Variants in ADGB observed in about 807,000 individuals in gnomAD.
ADGB encodes the protein calpain-7-like protein.
A neutral mutation model predicts 210.5 loss-of-function variants in ADGB; 172 were observed. That is an observed-to-expected ratio of 0.82 (90% confidence interval 0.72 to 0.93). The LOEUF (loss-of-function observed/expected upper bound fraction) is 0.93, where lower values mean the gene tolerates loss of function less well. Ranked by LOEUF, ADGB falls within the 40% of genes least tolerant of loss-of-function variation. The pLI, the probability that ADGB is intolerant of heterozygous loss-of-function variation, is 0.00. For synonymous variants in ADGB, 658 were observed against 662.7 expected, an observed-to-expected ratio of 0.99 and a Z score of 0.11; for missense variants, 2,025 against 1,964.8, an observed-to-expected ratio of 1.03 and a Z score of -0.58.
chr6:146,663,636 T>C (rs1007222153), intron 5 of ADGB, among the ~76,000 whole-genome samples: 14 of 152,026 alleles, frequency 9.2e-5, no homozygotes, highest in African/African-American at 3.4e-4. Flanking sequence ...AGGATAGATA[T>C]GTTCAATATA....
intron 28 of ADGB, among the ~76,000 whole-genome samples, chr6:146,766,453 A>ATTAAG (rs1207122674): frequency 6.6e-6 from 1 of 150,878 alleles, no homozygotes; most frequent in Non-Finnish European, 1.5e-5. Flanking sequence ...ATTAAATTAA[A>ATTAAG]TTAAATTAAA....
chr6:146,691,239 T>C lies in ADGB; in HGVS notation c.1435T>C (p.Trp479Arg), dbSNP rs1408319613. The C allele has an allele frequency of 5.2e-6, 8 of 1,548,170 alleles. No individual in the cohort carries two copies. The highest frequency in any genetic ancestry group is 6.1e-6 in the Non-Finnish European group (7 of 1,146,142). Residue 479 changes from tryptophan to arginine, a missense_variant, in exon 11 of 36, where the codon TGG becomes CGG. Physicochemically the swap from Trp to Arg is moderately radical, Grantham distance 101. Transcript: ENST00000397944. ...APPKPPPLPP[W>R]KLIRQKKETV... ...ACCAAAACCACCTCCTCTACCTCCC[T>C]GGAAACTCATTCGTCAAAAAAAGGA...
chr6:146,801,793 TGAAA>T, intron 34 of ADGB, 31 bp from the exon 35 acceptor site: 1 of 1,505,542 alleles, frequency 6.6e-7, no homozygotes, highest in East Asian at 2.5e-5. Context: ...AGTTCCCAAA[TGAAA>T]TCTGTATCTT....
intron 35 of ADGB, among the ~76,000 whole-genome samples, chr6:146,809,348 T>C (rs535556437): frequency 6.6e-6 from 1 of 152,134 alleles, no homozygotes; most frequent in Non-Finnish European, 1.5e-5. Flanking sequence ...CTGGGATTAG[T>C]GGTGCAGCCA....
intron 19 of ADGB, among the ~76,000 whole-genome samples, chr6:146,727,519 T>C (rs1443556822): frequency 6.6e-6 from 1 of 152,234 alleles, no homozygotes; most frequent in Non-Finnish European, 1.5e-5. Flanking sequence ...ATGGTATACA[T>C]TGTCAGTTTG....
intron 35 of ADGB, among the ~76,000 whole-genome samples, chr6:146,813,577 T>G: frequency 6.6e-6 from 1 of 152,274 alleles, no homozygotes. Flanking sequence ...TGGACAGATA[T>G]TCTGTTTAGA....
In ADGB at chr6:146,691,500, A is replaced by ATAT. The variant is rs1257984997; in HGVS notation, c.1486+211_1486+212insATT. ...TAAATATATATATATATATATATATATTTTTTTTTTTTTTTTTTTTTTTTT... is the reference window on the plus strand; with the variant it reads ...TAAATATATATATATATATATATATATATTTTTTTTTTTTTTTTTTTTTTTTTT... On this transcript the variant is annotated intron_variant, in intron 11 of 35. Coordinates refer to ENST00000397944, the MANE Select transcript of ADGB (RefSeq NM_024694.4). Among the ~76,000 whole-genome samples, 19 of 13,644 alleles carry ATAT rather than the reference A, an allele frequency of 1.4e-3. 2 individuals carry two copies. Among genetic ancestry groups the ATAT allele is most frequent in the African/African-American group, 1.3e-3 (2 of 1,494 alleles). 9.0% of individuals were successfully genotyped at this position (13,644 alleles called of 152,430 possible).
chr6:146,767,559 A>G (rs1777594647), intron 28 of ADGB, among the ~76,000 whole-genome samples: 1 of 151,962 alleles, frequency 6.6e-6, no homozygotes, highest in South Asian at 2.1e-4. Flanking sequence ...ATCTCCACCT[A>G]CGGGGTTCAA....
chr6:146,626,807 GT>G (rs1313743451), intron 1 of ADGB, among the ~76,000 whole-genome samples: 1 of 150,536 alleles, frequency 6.6e-6, no homozygotes, highest in Non-Finnish European at 1.5e-5. Flanking sequence ...TAGGTTTATA[GT>G]TTTCATAAAT....
rs530176458 is a variant in ADGB at position 146,722,737 on chromosome 6, T to C, written c.2095+1232T>C. On this transcript the variant is annotated intron_variant, in intron 17 of 35. Transcript: ENST00000397944. ...TGACCTTGCTGCTGATCTCACTGAA[T>C]AGACAGAAGAAATCAGAAAGGATTT... is the stretch of plus-strand genomic sequence containing the variant. Among the ~76,000 whole-genome samples, 13 of 152,310 alleles carry C rather than the reference T, an allele frequency of 8.5e-5. No homozygotes were observed. In the South Asian group the frequency reaches 2.7e-3, roughly 32 times the overall value.
At chr6:146,806,233 T>C (rs1437733758) in intron 35 of ADGB, among the ~76,000 whole-genome samples, 1 of 152,208 alleles carries the variant, frequency 6.6e-6, no homozygotes, top group African/African-American at 2.4e-5. Context: ...CCCATTCATT[T>C]ATGTGAGAGG....
intron 1 of ADGB, among the ~76,000 whole-genome samples, chr6:146,609,008 T>C (rs752609719): frequency 6.6e-6 from 1 of 152,226 alleles, no homozygotes; most frequent in Non-Finnish European, 1.5e-5. Context: ...TATCTAAGTC[T>C]CTTCATAGTT....
At chr6:146,642,352 A>G (rs758140254) in intron 2 of ADGB, among the ~76,000 whole-genome samples, 9 of 151,954 alleles carry the variant, frequency 5.9e-5, no homozygotes, top group Non-Finnish European at 1.0e-4. Flanking sequence ...TATAACTAGA[A>G]CCACCATTTG....
At chr6:146,745,431 T>C (rs1777214102) in intron 25 of ADGB, among the ~76,000 whole-genome samples, 1 of 152,222 alleles carries the variant, frequency 6.6e-6, no homozygotes, top group South Asian at 2.1e-4. Flanking sequence ...ATCACACATC[T>C]GGGTTCTGTG....
At chr6:146,614,270 T>C (rs578040438) in intron 1 of ADGB, among the ~76,000 whole-genome samples, 4 of 147,216 alleles carry the variant, frequency 2.7e-5, no homozygotes, top group South Asian at 4.6e-4. Flanking sequence ...TGATATAACA[T>C]TGATATACAA....
chr6:146,717,079 C>G lies in ADGB; in HGVS notation c.1928+10C>G, dbSNP rs375872244. 5 of 1,543,438 alleles carry G rather than the reference C, an allele frequency of 3.2e-6. No homozygotes were observed. Among genetic ancestry groups the G allele is most frequent in the Non-Finnish European group, 4.4e-6 (5 of 1,140,740 alleles). On this transcript the variant is annotated intron_variant, in intron 15 of 35. Transcript: ENST00000397944. ...TCTGTGTATGCTTTCAGTAAGTATACCAATGGGATCAATCTGACTATGTCG... is the reference window on the plus strand; with the variant it reads ...TCTGTGTATGCTTTCAGTAAGTATAGCAATGGGATCAATCTGACTATGTCG...
In ADGB at chr6:146,782,148, GA is replaced by G; in HGVS notation, c.3995del (p.Lys1332ArgfsTer32). 1.3e-6 allele frequency: 2 copies of G among 1,542,804 alleles called. No homozygotes were observed. Among genetic ancestry groups the G allele is most frequent in the Non-Finnish European group, 1.7e-6 (2 of 1,144,252 alleles). On this transcript the variant is annotated frameshift_variant, in exon 30 of 36. Coordinates refer to ENST00000397944, the MANE Select transcript of ADGB (RefSeq NM_024694.4). LOFTEE classifies it high-confidence loss of function. ...RKGKEKSSEK[E>X]KTAKEKQAPR... ...AGGCAAAGAAAAGTCTTCTGAGAAA[GA>G]AAAGACAGCCAAAGAAAAACAAGCA...
chr6:146,802,078 T>G (rs917960826), intron 35 of ADGB, 67 bp downstream of exon 35: 4 of 1,051,548 alleles, frequency 3.8e-6, no homozygotes, highest in Admixed American at 3.8e-5. Context: ...AAAGAAATTA[T>G]ATAATTAAAT....
intron 2 of ADGB, 59 bp downstream of exon 2, chr6:146,635,596 A>T (rs1047309754): frequency 1.4e-6 from 2 of 1,415,326 alleles, no homozygotes; most frequent in African/African-American, 2.9e-5. Flanking sequence ...TAATGGAATG[A>T]GATTTGTAAA....
Sources: allele counts gnomAD v4.1 joint callset (sites outside exome capture counted in the v4.1 genomes callset), GRCh38; gene constraint gnomAD v4.1.1; transcripts MANE v1.5; gene names NCBI Gene and HGNC (gene_info 2026-07-23, HGNC 2026-07-21).